Variants in TBC1D32 observed in about 807,000 individuals in gnomAD.
TBC1D32 encodes the protein protein broad-minded.
A neutral mutation model predicts 170.3 loss-of-function variants in TBC1D32; 151 were observed. That is an observed-to-expected ratio of 0.89 (90% CI 0.78 to 1.01). The LOEUF (loss-of-function observed/expected upper bound fraction) is 1.01, where lower values mean the gene tolerates loss of function less well. TBC1D32 is among the 50% of genes least tolerant of loss of function. The pLI is 0.00. For synonymous variants in TBC1D32, 498 were observed against 488.0 expected, an observed-to-expected ratio of 1.02 and a Z score of -0.27; for missense variants, 1,464 against 1,457.1, an observed-to-expected ratio of 1.00 and a Z score of -0.08.
intron 26 of TBC1D32, among the ~76,000 whole-genome samples, chr6:121,123,509 A>G (rs1780500554): frequency 6.6e-6 from 1 of 152,078 alleles, no homozygotes; most frequent in Admixed American, 6.6e-5. Context: ...CTCTTTTTAT[A>G]GTCTTTGCCT....
chr6:121,301,880 T>C (rs1402296610), intron 9 of TBC1D32, among the ~76,000 whole-genome samples: 1 of 152,036 alleles, frequency 6.6e-6, no homozygotes, highest in Non-Finnish European at 1.5e-5. Flanking sequence ...TCTGCCCACC[T>C]TGGCCTCCCA....
intron 1 of TBC1D32, among the ~76,000 whole-genome samples, chr6:121,332,202 C>G (rs1469741389): frequency 6.6e-6 from 1 of 151,680 alleles, no homozygotes; most frequent in Non-Finnish European, 1.5e-5. Context: ...TAATTATAGG[C>G]AAACGTGTAG....
At chr6:121,186,964 T>C (rs1351974936) in intron 22 of TBC1D32, among the ~76,000 whole-genome samples, 1 of 152,080 alleles carries the variant, frequency 6.6e-6, no homozygotes, top group African/African-American at 2.4e-5. Context: ...GTAAGCACTC[T>C]TGTAACTACT....
intron 24 of TBC1D32, among the ~76,000 whole-genome samples, chr6:121,138,371 C>T (rs1782372723): frequency 1.3e-5 from 2 of 152,110 alleles, no homozygotes; most frequent in African/African-American, 4.8e-5. Context: ...TTAGTCTTCC[C>T]TTGTCATCTT....
chr6:121,124,656 T>A (rs1780644591), intron 26 of TBC1D32, among the ~76,000 whole-genome samples: 1 of 152,096 alleles, frequency 6.6e-6, no homozygotes. Flanking sequence ...TTAATTACAA[T>A]AACTCAAATC....
intron 17 of TBC1D32, among the ~76,000 whole-genome samples, chr6:121,252,643 G>T (rs1159394571): frequency 6.6e-6 from 1 of 152,098 alleles, no homozygotes; most frequent in Non-Finnish European, 1.5e-5. Flanking sequence ...CCTAGATGAC[G>T]GGTTGATGGG....
At chr6:121,239,247 G>C (rs1331062924) in intron 19 of TBC1D32, 59 bp from the exon 20 acceptor site, 3 of 1,027,248 alleles carry the variant, frequency 2.9e-6, no homozygotes, top group Admixed American at 3.5e-5. Context: ...GATTATGAAG[G>C]AAAGATATGA....
chr6:121,234,207 C>G (rs375463588), intron 20 of TBC1D32, among the ~76,000 whole-genome samples: 1 of 152,006 alleles, frequency 6.6e-6, no homozygotes. Flanking sequence ...GATCTTTTTG[C>G]GATGAATTTC....
intron 9 of TBC1D32, among the ~76,000 whole-genome samples, chr6:121,299,864 A>C (rs943988878): frequency 4.6e-5 from 7 of 152,110 alleles, no homozygotes; most frequent in Admixed American, 3.9e-4. Flanking sequence ...AAAAAGCACA[A>C]CTCTTATACT....
At chr6:121,281,756 T>C in intron 13 of TBC1D32, 70 bp from the exon 14 acceptor site, 2 of 1,295,270 alleles carry the variant, frequency 1.5e-6, no homozygotes, top group South Asian at 1.7e-5. Context: ...TTAGCTGTTG[T>C]TGTTCCAAAA....
At chr6:121,117,516 A>T (rs1284085175) in intron 26 of TBC1D32, among the ~76,000 whole-genome samples, 4 of 152,104 alleles carry the variant, frequency 2.6e-5, no homozygotes, top group Non-Finnish European at 5.9e-5. Flanking sequence ...AGCCTCGCCA[A>T]CATGGTGAAA....
intron 17 of TBC1D32, among the ~76,000 whole-genome samples, chr6:121,254,589 T>C (rs1274318739): frequency 3.4e-5 from 5 of 147,730 alleles, no homozygotes; most frequent in Non-Finnish European, 7.4e-5. Flanking sequence ...TGTTGAACCA[T>C]TATACTGTTA....
intron 24 of TBC1D32, among the ~76,000 whole-genome samples, chr6:121,155,264 TGGC>T (rs1784739374): frequency 6.6e-6 from 1 of 152,070 alleles, no homozygotes; most frequent in Non-Finnish European, 1.5e-5. Flanking sequence ...GGTGTGTGTG[TGGC>T]TATAGCAAAT....
intron 24 of TBC1D32, among the ~76,000 whole-genome samples, chr6:121,132,304 A>C (rs1412136039): frequency 6.6e-6 from 1 of 152,026 alleles, no homozygotes; most frequent in Non-Finnish European, 1.5e-5. Context: ...GTGCAAGATC[A>C]CGTTGAGCTT....
intron 10 of TBC1D32, 39 bp downstream of exon 10, chr6:121,299,407 A>G: frequency 6.8e-7 from 1 of 1,461,120 alleles, no homozygotes; most frequent in Non-Finnish European, 9.3e-7. Context: ...TATTCTGGTG[A>G]TATTATTTCT....
Position 121,112,784 on chromosome 6 carries a change from T to C in TBC1D32, c.3170-125A>G, listed in dbSNP as rs1779316307. ...ATTCTTATTCTGAATTTATGAAACT[T>C]AGTTTTTAAATATTCTTAGACATGT... is the stretch of plus-strand genomic sequence containing the variant. On this transcript the variant is annotated intron_variant, in intron 28 of 31. Coordinates refer to ENST00000398212, the MANE Select transcript of TBC1D32 (RefSeq NM_152730.6). The C allele has an allele frequency of 4.3e-6, 4 of 939,216 alleles. No homozygotes were observed. In the African/African-American group the frequency reaches 5.2e-5, roughly 12 times the overall value. The allele number at this position is 939,216 out of a possible 1,614,324, so 58.2% of individuals were successfully genotyped here. A position where few individuals can be genotyped will look rare whatever the true frequency, so the allele number is the denominator to read the frequency against.
chr6:121,203,370 A>C (rs760147232), intron 22 of TBC1D32, among the ~76,000 whole-genome samples: 3 of 151,410 alleles, frequency 2.0e-5, no homozygotes, highest in Non-Finnish European at 2.9e-5. Flanking sequence ...TTTCCTCAAA[A>C]AGTAATTTTG....
chr6:121,145,892 T>C (rs553361602), intron 24 of TBC1D32, among the ~76,000 whole-genome samples: 1 of 152,136 alleles, frequency 6.6e-6, no homozygotes, highest in African/African-American at 2.4e-5. Flanking sequence ...ATAAAGTTGA[T>C]GAAAAGTGAT....
intron 15 of TBC1D32, among the ~76,000 whole-genome samples, chr6:121,272,666 G>C (rs9372652): frequency 1.3e-5 from 2 of 151,896 alleles, no homozygotes; most frequent in Non-Finnish European, 2.9e-5. Flanking sequence ...TGGTGGGACT[G>C]TAAACTAGTT....
Sources: allele counts gnomAD v4.1 joint callset (sites outside exome capture counted in the v4.1 genomes callset), GRCh38; gene constraint gnomAD v4.1.1; transcripts MANE v1.5; gene names NCBI Gene and HGNC (gene_info 2026-07-23, HGNC 2026-07-21).